The following STXBP5L variants were observed in gnomAD, a reference collection of about 807,000 sequenced individuals.
STXBP5L encodes syntaxin binding protein 5L.
Under a neutral mutation model 144.5 loss-of-function variants are expected in STXBP5L, and 65 were observed. The ratio of observed to expected loss-of-function variants is 0.45; its 90% CI spans 0.37 to 0.55. STXBP5L has a LOEUF of 0.55. Among genes scored for constraint, STXBP5L ranks in the 20% least tolerant of loss-of-function variants. STXBP5L has a pLI of 0.00. For synonymous variants in STXBP5L, 505 were observed against 469.6 expected, an observed-to-expected ratio of 1.08 and a Z score of -0.97; for missense variants, 1,298 against 1,405.5, an observed-to-expected ratio of 0.92 and a Z score of 1.22.
chr3:120,956,300 A>T (rs1409086553), intron 3 of STXBP5L, among the ~76,000 whole-genome samples: 4 of 151,360 alleles, frequency 2.6e-5, no homozygotes, highest in African/African-American at 9.7e-5. Context: ...TAAAACTGAA[A>T]CTCTACACCC....
chr3:121,010,457 C>T (rs1049804603), intron 3 of STXBP5L, among the ~76,000 whole-genome samples: 10 of 151,466 alleles, frequency 6.6e-5, no homozygotes, highest in African/African-American at 1.9e-4. Context: ...CTCACTGATA[C>T]TAGAGAACCT....
At chr3:121,058,740 T>C (rs1194129042) in intron 5 of STXBP5L, among the ~76,000 whole-genome samples, 2 of 152,240 alleles carry the variant, frequency 1.3e-5, no homozygotes, top group Non-Finnish European at 2.9e-5. Context: ...TGATGAGCTG[T>C]TTTTCATATG....
At chr3:121,299,532 A>G (rs529734930) in intron 19 of STXBP5L, among the ~76,000 whole-genome samples, 8 of 152,282 alleles carry the variant, frequency 5.3e-5, no homozygotes, top group African/African-American at 1.7e-4. Context: ...GTTAACTTGA[A>G]TACACGTCAC....
At chr3:121,309,964 T>C (rs986351042) in intron 19 of STXBP5L, among the ~76,000 whole-genome samples, 1 of 152,012 alleles carries the variant, frequency 6.6e-6, no homozygotes, top group Middle Eastern at 3.4e-3. Flanking sequence ...AGTGTGGTAA[T>C]TGAAAAAAAG....
At chr3:121,051,810 A>G (rs926919646) in intron 5 of STXBP5L, among the ~76,000 whole-genome samples, 5 of 152,134 alleles carry the variant, frequency 3.3e-5, no homozygotes, top group Non-Finnish European at 7.4e-5. Flanking sequence ...CTGGTTTTTC[A>G]AAAAGATCAA....
At chr3:121,246,654 A>G (rs2049862668) in intron 14 of STXBP5L, among the ~76,000 whole-genome samples, 1 of 152,232 alleles carries the variant, frequency 6.6e-6, no homozygotes, top group Non-Finnish European at 1.5e-5. Flanking sequence ...TAGCATCTTT[A>G]TTTGTAACAG....
chr3:121,358,898 ATGCT>A, intron 20 of STXBP5L, among the ~76,000 whole-genome samples: 1 of 152,118 alleles, frequency 6.6e-6, no homozygotes, highest in Non-Finnish European at 1.5e-5. Flanking sequence ...GTATGGATGG[ATGCT>A]TAGGTTTTTT....
intron 5 of STXBP5L, among the ~76,000 whole-genome samples, chr3:121,046,820 A>T (rs1326530015): frequency 2.0e-5 from 3 of 151,922 alleles, no homozygotes; most frequent in Non-Finnish European, 4.4e-5. Context: ...GTACTCATTG[A>T]TCTTTTGTAT....
At chr3:121,343,647 A>G (rs2044826381) in intron 20 of STXBP5L, among the ~76,000 whole-genome samples, 2 of 152,168 alleles carry the variant, frequency 1.3e-5, no homozygotes, top group South Asian at 4.1e-4. Flanking sequence ...ACCCATTCAC[A>G]ATTGCTTCAA....
At position 121,421,736 on chromosome 3, in the gene STXBP5L, T is replaced by C. The variant is rs1406743880; in HGVS notation, c.*2639T>C. The C allele has an allele frequency of 6.6e-6, 1 of 152,046 alleles. No homozygotes were observed. The highest frequency in any genetic ancestry group is 2.4e-5 in the African/African-American group (1 of 41,414). The allele number at this position is 152,046 out of a possible 1,614,324, so 9.4% of individuals were successfully genotyped here. A position where few individuals can be genotyped will look rare whatever the true frequency, so the allele number is the denominator to read the frequency against. On this transcript the variant is annotated 3_prime_UTR_variant, in exon 27 of 27. Coordinates refer to ENST00000471454, the MANE Select transcript of STXBP5L (RefSeq NM_001308330.2). ...TATTTTAAGGCACACAGAGAAAATA[T>C]CAAAAAGGACATTATAGCATTTCAC...
At chr3:120,989,539 C>A (rs893407992) in intron 3 of STXBP5L, among the ~76,000 whole-genome samples, 5 of 152,038 alleles carry the variant, frequency 3.3e-5, no homozygotes, top group Non-Finnish European at 7.4e-5. Flanking sequence ...TGTGACTTAA[C>A]CTGTCGGATG....
intron 9 of STXBP5L, among the ~76,000 whole-genome samples, chr3:121,203,725 A>T (rs1052634740): frequency 6.6e-6 from 1 of 152,186 alleles, no homozygotes; most frequent in East Asian, 1.9e-4. Context: ...GATGACTCTG[A>T]TGTATATTGA....
chr3:120,958,750 T>A (rs982113736), intron 3 of STXBP5L, among the ~76,000 whole-genome samples: 4 of 152,236 alleles, frequency 2.6e-5, no homozygotes, highest in African/African-American at 9.6e-5. Context: ...TGATGGGACG[T>A]ATCTCTAAAT....
At chr3:121,124,530 A>G (rs1439985419) in intron 7 of STXBP5L, among the ~76,000 whole-genome samples, 1 of 152,052 alleles carries the variant, frequency 6.6e-6, no homozygotes, top group Non-Finnish European at 1.5e-5. Flanking sequence ...TAAGTACCTT[A>G]TAGAATTTAT....
At chr3:121,019,340 C>A (rs1945378588) in intron 3 of STXBP5L, among the ~76,000 whole-genome samples, 2 of 152,150 alleles carry the variant, frequency 1.3e-5, no homozygotes. Context: ...TATTGGCCTG[C>A]ACACTACCTG....
intron 5 of STXBP5L, among the ~76,000 whole-genome samples, chr3:121,073,021 C>A (rs1010647141): frequency 6.6e-6 from 1 of 152,186 alleles, no homozygotes. Flanking sequence ...TGGCAGAGGG[C>A]GGGCTTCGGC....
chr3:121,154,873 T>C (rs1399394722), intron 8 of STXBP5L, among the ~76,000 whole-genome samples: 1 of 151,824 alleles, frequency 6.6e-6, no homozygotes, highest in African/African-American at 2.4e-5. Context: ...AATATTTGTC[T>C]CTTCCATCAT....
At chr3:120,922,266 T>C (rs1249024744) in intron 2 of STXBP5L, among the ~76,000 whole-genome samples, 4 of 152,022 alleles carry the variant, frequency 2.6e-5, no homozygotes, top group Non-Finnish European at 5.9e-5. Flanking sequence ...GTTCAGATTG[T>C]TCACTGTTGG....
chr3:121,134,609 A>G (rs1161530831), intron 7 of STXBP5L, among the ~76,000 whole-genome samples: 7 of 151,528 alleles, frequency 4.6e-5, no homozygotes, highest in Non-Finnish European at 8.8e-5. Flanking sequence ...CCTGTGTCCA[A>G]GTGTTCTCAT....
Sources: gnomAD v4.1 joint callset for allele counts (sites outside exome capture counted in the v4.1 genomes callset) on GRCh38, gnomAD v4.1.1 for gene constraint, MANE v1.5 for transcripts, NCBI Gene and HGNC (gene_info 2026-07-23, HGNC 2026-07-21) for gene names.